Variants in ARHGEF12 observed in about 807,000 individuals in gnomAD.
The protein encoded by ARHGEF12 is Rho guanine nucleotide exchange factor 12, also known as KMT2A/ARHGEF12 fusion protein.
ARHGEF12 carries 66 observed loss-of-function variants against 211.2 expected under a neutral mutation model. The ratio of observed to expected loss-of-function variants is 0.31; its 90% confidence interval spans 0.26 to 0.38. The LOEUF (loss-of-function observed/expected upper bound fraction) is 0.38, where lower values mean the gene tolerates loss of function less well. Ranked by LOEUF, ARHGEF12 falls within the 10% of genes least tolerant of loss-of-function variation. The pLI is 1.00. For synonymous variants in ARHGEF12, 592 were observed against 638.4 expected (o/e 0.93, Z 1.09); for missense variants, 1,429 against 1,869.5 (o/e 0.76, Z 4.34).
intron 4 of ARHGEF12, among the ~76,000 whole-genome samples, chr11:120,419,228 G>A (rs890536540): frequency 6.6e-6 from 1 of 151,858 alleles, no homozygotes; most frequent in Non-Finnish European, 1.5e-5. Context: ...CCAAAGTGCT[G>A]CGATTACAGG....
intron 4 of ARHGEF12, among the ~76,000 whole-genome samples, chr11:120,412,215 A>T (rs184138610): frequency 1.3e-5 from 2 of 152,214 alleles, no homozygotes; most frequent in African/African-American, 4.8e-5. Context: ...GAGATTCAGC[A>T]AGGGAATTCT....
intron 1 of ARHGEF12, among the ~76,000 whole-genome samples, chr11:120,393,220 C>T (rs1033893055): frequency 2.0e-5 from 3 of 151,608 alleles, no homozygotes; most frequent in South Asian, 2.1e-4. Context: ...GCCAAATTAA[C>T]GGAATATTAA....
At position 120,417,513 on chromosome 11, in the gene ARHGEF12, T is replaced by TC. The variant is rs1398380338; in HGVS notation, c.200-3240_200-3239insC. 2.7e-5 allele frequency among the ~76,000 whole-genome samples: 4 copies of TC among 149,658 alleles called. No homozygotes were observed. In the East Asian group the frequency reaches 7.7e-4, roughly 29 times the overall value. On this transcript the variant is annotated intron_variant, in intron 4 of 40. Coordinates refer to ENST00000397843, the MANE Select transcript of ARHGEF12 (RefSeq NM_015313.3). ...TGCTGCTTAGTCTAATAATTTTTTT[T>TC]TTTTTTTTTTTTGAGATGGAGTCTC...
At chr11:120,367,995 A>G (rs996125488) in intron 1 of ARHGEF12, among the ~76,000 whole-genome samples, 2 of 152,186 alleles carry the variant, frequency 1.3e-5, no homozygotes, top group African/African-American at 4.8e-5. Flanking sequence ...ATAAATAAAT[A>G]AAAGATAAAA....
intron 1 of ARHGEF12, among the ~76,000 whole-genome samples, chr11:120,367,519 C>T (rs1943463248): frequency 6.6e-6 from 1 of 151,848 alleles, no homozygotes; most frequent in Non-Finnish European, 1.5e-5. Flanking sequence ...GCGCATGCCA[C>T]CATGTCCGGC....
intron 28 of ARHGEF12, among the ~76,000 whole-genome samples, chr11:120,466,989 A>G (rs1372131981): frequency 6.6e-6 from 1 of 152,238 alleles, no homozygotes; most frequent in African/African-American, 2.4e-5. Flanking sequence ...CAAGCCATTC[A>G]TTTAGTAATA....
At position 120,489,532 on chromosome 11, in the gene ARHGEF12, T is replaced by G. The variant is rs939608018; in HGVS notation, c.*4455T>G. 4.5e-6 allele frequency: 1 copy of G among 220,734 alleles called. No homozygotes were observed. The highest frequency in any genetic ancestry group is 1.4e-3 in the Middle Eastern group (1 of 712). The allele number at this position is 220,734 out of a possible 1,614,324, so 13.7% of individuals were successfully genotyped here. On this transcript the variant is annotated 3_prime_UTR_variant, in exon 41 of 41. Transcript: ENST00000397843. ...TTCACATACCAACATTTCTGTGCTT[T>G]TACCAACAGCATTTTAGCTCAGAAG...
At position 120,489,830 on chromosome 11, in the gene ARHGEF12, T is replaced by C; in HGVS notation, c.*4753T>C. On this transcript the variant is annotated 3_prime_UTR_variant, in exon 41 of 41. Transcript: ENST00000397843. ...CTATATCTATATATATAGATACAGATACAGATACATATCTGGTGGAACAAA... is the reference window on the plus strand; with the variant it reads ...CTATATCTATATATATAGATACAGACACAGATACATATCTGGTGGAACAAA... 5.4e-6 allele frequency: 1 copy of C among 186,650 alleles called. No individual in the cohort carries two copies. Among genetic ancestry groups the C allele is most frequent in the East Asian group, 8.6e-5 (1 of 11,680 alleles). 11.6% of individuals were successfully genotyped at this position (186,650 alleles called of 1,614,324 possible).
rs199590075 is a variant in ARHGEF12, at chr11:120,455,400, A to C, written c.2057-1718A>C. 1.6e-4 allele frequency among the ~76,000 whole-genome samples: 24 copies of C among 152,286 alleles called. 1 individual carries two copies. The East Asian group carries it at 4.4e-3, about 28-fold the overall frequency. ...ACTGCATCACATTCCTCATCATAAC[A>C]CTGGATGCTGAAATACAAAAGAGCC... On this transcript the variant is annotated intron_variant, in intron 22 of 40. Coordinates refer to ENST00000397843, the MANE Select transcript of ARHGEF12 (RefSeq NM_015313.3).
chr11:120,452,712 A>G (rs1946248181), intron 22 of ARHGEF12, among the ~76,000 whole-genome samples: 1 of 152,048 alleles, frequency 6.6e-6, no homozygotes, highest in Non-Finnish European at 1.5e-5. Flanking sequence ...ACAGGAAGAC[A>G]AGGTCGGGTG....
chr11:120,358,707 G>A (rs528069049), intron 1 of ARHGEF12, among the ~76,000 whole-genome samples: 113 of 152,294 alleles, frequency 7.4e-4, no homozygotes, highest in Admixed American at 3.8e-3. Context: ...CATGAAGCCA[G>A]TGGCTACAGT....
chr11:120,409,516 C>T, intron 4 of ARHGEF12, 66 bp downstream of exon 4: 2 of 1,477,014 alleles, frequency 1.4e-6, no homozygotes, highest in South Asian at 1.2e-5. Flanking sequence ...CTTTTCTGTT[C>T]TTTTTTTCCT....
In ARHGEF12 at chr11:120,457,236, A is replaced by G; in HGVS notation, c.2175A>G (p.Glu725=). 3.7e-6 allele frequency: 6 copies of G among 1,613,980 alleles called. No individual in the cohort carries two copies. The highest frequency in any genetic ancestry group is 5.1e-6 in the Non-Finnish European group (6 of 1,179,906). The change falls in exon 23 of 41, where the codon GAA becomes GAG. Residue 725 remains glutamate (E), a synonymous_variant. Transcript: ENST00000397843. ...CATTAGACCAAGTGCAGGAGGAGGA[A>G]TGTGAAGTAGAAAGGTAATTCAGTG... is the stretch of plus-strand genomic sequence containing the variant. The part of the protein sequence containing the change: ...PPPLDQVQEE[E]CEVERVTEHG...
At position 120,437,353 on chromosome 11, in the gene ARHGEF12, C is replaced by G; in HGVS notation, c.970C>G (p.Pro324Ala). 6.2e-7 allele frequency: 1 copy of G among 1,612,492 alleles called. No individual in the cohort carries two copies. The highest frequency in any genetic ancestry group is 8.5e-7 in the Non-Finnish European group (1 of 1,179,324). ...AGAGAGAATTTATCTAGAGGAAAAC[C>G]CAGAGAAAAGTGAAACAATTCAGGA... is the stretch of plus-strand genomic sequence containing the variant. Reference protein sequence around the residue: ...PKERIYLEENPEKSETIQDTD... With the variant: ...PKERIYLEENAEKSETIQDTD... Residue 324 changes from proline to alanine, a missense_variant, in exon 12 of 41, where the codon CCA (proline) becomes GCA (alanine). Pro to Ala is a conservative substitution (Grantham distance 27). This residue lies in a region of ARHGEF12 where 254 missense variants were observed against 286.4 expected (regional missense o/e 0.89). Transcript: ENST00000397843.
intron 22 of ARHGEF12, among the ~76,000 whole-genome samples, chr11:120,453,536 A>G (rs1041892501): frequency 6.6e-6 from 1 of 152,178 alleles, no homozygotes; most frequent in East Asian, 1.9e-4. Context: ...CCAGGGCAAC[A>G]TGAAAAGACT....
chr11:120,390,680 T>C (rs1944185309), intron 1 of ARHGEF12, among the ~76,000 whole-genome samples: 1 of 152,192 alleles, frequency 6.6e-6, no homozygotes, highest in Non-Finnish European at 1.5e-5. Context: ...GAGTCTCACT[T>C]GTGAAAGCTT....
chr11:120,489,814 T>C lies in ARHGEF12; in HGVS notation c.*4737T>C, dbSNP rs980835432. The C allele has an allele frequency of 5.3e-6, 1 of 187,290 alleles. No individual in the cohort carries two copies. The highest frequency in any genetic ancestry group is 2.3e-5 in the African/African-American group (1 of 42,724). 11.6% of individuals were successfully genotyped at this position (187,290 alleles called of 1,614,324 possible). A position where few individuals can be genotyped will look rare whatever the true frequency, so the allele number is the denominator to read the frequency against. On this transcript the variant is annotated 3_prime_UTR_variant, in exon 41 of 41. Coordinates refer to ENST00000397843, the MANE Select transcript of ARHGEF12 (RefSeq NM_015313.3). ...GTTTACAAACATATATCTATATCTA[T>C]ATATATAGATACAGATACAGATACA...
At chr11:120,392,245 C>T (rs568633064) in intron 1 of ARHGEF12, among the ~76,000 whole-genome samples, 3 of 152,344 alleles carry the variant, frequency 2.0e-5, no homozygotes, top group African/African-American at 7.2e-5. Flanking sequence ...TGGCCCACAT[C>T]TTCCCATGGC....
intron 4 of ARHGEF12, among the ~76,000 whole-genome samples, chr11:120,419,149 ACAGGGTTT>A (rs1398276263): frequency 6.6e-6 from 1 of 151,874 alleles, no homozygotes; most frequent in South Asian, 2.1e-4. Flanking sequence ...TTTAGTAGAG[ACAGGGTTT>A]CACTGTGTTA....
Sources: gnomAD v4.1 joint callset for allele counts (sites outside exome capture counted in the v4.1 genomes callset) on GRCh38, gnomAD v4.1.1 for gene constraint, gnomAD v4.1.1 regional missense constraint, MANE v1.5 for transcripts, NCBI Gene and HGNC (gene_info 2026-07-23, HGNC 2026-07-21) for gene names.